The following POC1A variants were observed in gnomAD, a reference collection of about 807,000 sequenced individuals.
POC1A encodes the protein POC1 centriolar protein homolog A.
POC1A carries 34 observed loss-of-function variants against 47.8 expected under a neutral mutation model. The observed-to-expected ratio is 0.71, with a 90% CI of 0.54 to 0.95. The LOEUF is 0.95. POC1A is among the 40% of genes least tolerant of loss of function. POC1A has a pLI of 0.00. For synonymous variants in POC1A, 177 were observed against 207.6 expected, an observed-to-expected ratio of 0.85 and a Z score of 1.27; for missense variants, 466 against 528.3, an observed-to-expected ratio of 0.88 and a Z score of 1.16.
chr3:52,101,090 CA>C lies in POC1A; in HGVS notation c.982-4379del, dbSNP rs146285042. 3.1e-3 allele frequency among the ~76,000 whole-genome samples: 178 copies of C among 56,976 alleles called. 1 individual carries two copies. The highest frequency in any genetic ancestry group is 0.014 in the Middle Eastern group (1 of 74). The allele number at this position is 56,976 out of a possible 152,430, so 37.4% of individuals were successfully genotyped here. A position where few individuals can be genotyped will look rare whatever the true frequency, so the allele number is the denominator to read the frequency against. On this transcript the variant is annotated intron_variant, in intron 9 of 10. Coordinates refer to ENST00000296484, the MANE Select transcript of POC1A (RefSeq NM_015426.5). ...CAACAGGGCCCACCCCAACCCTCAGCAAAAAAAAAAAAAAAAAAAATATCAA... is the reference window on the plus strand; with the variant it reads ...CAACAGGGCCCACCCCAACCCTCAGCAAAAAAAAAAAAAAAAAAATATCAA...
intron 6 of POC1A, among the ~76,000 whole-genome samples, chr3:52,142,033 G>GT (rs1238266430): frequency 3.3e-5 from 5 of 152,312 alleles, no homozygotes; most frequent in African/African-American, 9.6e-5. Context: ...GGAACCGAGC[G>GT]TGAGCCTGTC....
Position 52,084,771 on chromosome 3 carries a change from G to A in POC1A, c.1126-8786C>T, listed in dbSNP as rs1195175611. On this transcript the variant is annotated intron_variant, in intron 10 of 10. Coordinates refer to ENST00000296484, the MANE Select transcript of POC1A (RefSeq NM_015426.5). This position sits in a 1 kb window ranked among gnomAD's most constrained non-coding sequence, Gnocchi z 4.3. ...GCTCTTAGCAGAGCCCTGGGTGGTG[G>A]TACCTGGGGCCCTCCTTGGTGAGTG... Among the ~76,000 whole-genome samples, 1 of 152,244 alleles carries A rather than the reference G, an allele frequency of 6.6e-6. No individual in the cohort carries two copies. Among genetic ancestry groups the A allele is most frequent in the Non-Finnish European group, 1.5e-5 (1 of 68,048 alleles).
At chr3:52,124,485 A>G (rs1703920598) in intron 8 of POC1A, among the ~76,000 whole-genome samples, 1 of 152,212 alleles carries the variant, frequency 6.6e-6, no homozygotes, top group African/African-American at 2.4e-5. Flanking sequence ...TCTGCAGCCA[A>G]AAATACTGAA....
chr3:52,118,998 C>T (rs1421808787), intron 9 of POC1A, among the ~76,000 whole-genome samples: 1 of 144,758 alleles, frequency 6.9e-6, no homozygotes, highest in East Asian at 2.1e-4. Flanking sequence ...TTGCTAAAGG[C>T]AAAAGGTTTT....
intron 1 of POC1A, 151 bp from the exon 2 acceptor site, chr3:52,151,251 G>A (rs1698546733): frequency 8.6e-7 from 1 of 1,167,564 alleles, no homozygotes. Context: ...ATCCACTTAG[G>A]ATTAGTTTTT....
Position 52,146,970 on chromosome 3 carries a change from C to A in POC1A, c.563+18G>T, listed in dbSNP as rs765923846. The A allele has an allele frequency of 6.3e-7, 1 of 1,596,376 alleles. No homozygotes were observed. Among genetic ancestry groups the A allele is most frequent in the Non-Finnish European group, 8.6e-7 (1 of 1,163,788 alleles). ...TGCTTGAGCGCCTACAGGTGGAGGA[C>A]AGCATCTGGGGACTCACCCGCCATG... is the stretch of plus-strand genomic sequence containing the variant. On this transcript the variant is annotated intron_variant, in intron 5 of 10. Transcript: ENST00000296484.
chr3:52,151,170 TC>T, intron 1 of POC1A, 70 bp from the exon 2 acceptor site: 1 of 1,604,588 alleles, frequency 6.2e-7, no homozygotes, highest in South Asian at 1.1e-5. Context: ...CCAGCACTCT[TC>T]CTACAACAGC....
chr3:52,114,731 C>A (rs1018557175), intron 9 of POC1A, among the ~76,000 whole-genome samples: 1 of 152,148 alleles, frequency 6.6e-6, no homozygotes, highest in African/African-American at 2.4e-5. Context: ...CCCCAGGAGC[C>A]AGAGATGGGC....
chr3:52,111,582 G>A (rs934279063), intron 9 of POC1A, among the ~76,000 whole-genome samples: 6 of 148,612 alleles, frequency 4.0e-5, no homozygotes, highest in Admixed American at 3.4e-4. Flanking sequence ...GAAGGAATAG[G>A]TTACAGTAAG....
chr3:52,076,380 A>G lies in POC1A; in HGVS notation c.1126-395T>C, dbSNP rs187316033. Among the ~76,000 whole-genome samples, 140 of 152,258 alleles carry G rather than the reference A, an allele frequency of 9.2e-4. 1 individual carries two copies. The highest frequency in any genetic ancestry group is 1.5e-3 in the Non-Finnish European group (100 of 68,012). ...CTTGTCTGAGCCAGGCACTGTCCAT[A>G]AACAACTGGAGACCATCAACCACCT... is the stretch of plus-strand genomic sequence containing the variant. On this transcript the variant is annotated intron_variant, in intron 10 of 10. Transcript: ENST00000296484.
chr3:52,096,459 T>G, intron 10 of POC1A, 110 bp downstream of exon 10: 15 of 944,978 alleles, frequency 1.6e-5, no homozygotes, highest in Non-Finnish European at 1.9e-5. Context: ...AACAGGTCCG[T>G]TATAATTATG....
chr3:52,146,888 C>G (rs1698381401), intron 5 of POC1A, 100 bp downstream of exon 5: 2 of 946,904 alleles, frequency 2.1e-6, no homozygotes, highest in African/African-American at 3.2e-5. Context: ...GCTGCTGGTC[C>G]CACGGCTCCA....
chr3:52,105,969 C>A (rs191838630), intron 9 of POC1A, among the ~76,000 whole-genome samples: 1 of 151,722 alleles, frequency 6.6e-6, no homozygotes, highest in African/African-American at 2.4e-5. Flanking sequence ...CTGAGGCGGG[C>A]GGATCACGAG....
At chr3:52,126,707 AG>A (rs1240861140) in intron 7 of POC1A, among the ~76,000 whole-genome samples, 2 of 152,230 alleles carry the variant, frequency 1.3e-5, no homozygotes, top group Admixed American at 1.3e-4. Flanking sequence ...GCATCTGGCA[AG>A]GGCCTTCTTG....
chr3:52,147,957 A>G (rs1698423334), intron 4 of POC1A, among the ~76,000 whole-genome samples: 1 of 152,170 alleles, frequency 6.6e-6, no homozygotes, highest in Non-Finnish European at 1.5e-5. Context: ...ATAAATAAAC[A>G]AAAAGAAAAG....
intron 9 of POC1A, among the ~76,000 whole-genome samples, chr3:52,102,990 TG>T (rs147448948): frequency 0.01 from 1,581 of 152,302 alleles, 33 homozygotes; most frequent in African/African-American, 0.035. Flanking sequence ...CAAGACACTG[TG>T]GTATTGGTAA....
chr3:52,082,010 G>T (rs1261394082), intron 10 of POC1A, among the ~76,000 whole-genome samples: 1 of 152,150 alleles, frequency 6.6e-6, no homozygotes, highest in Non-Finnish European at 1.5e-5. Context: ...AGAGGCAGAA[G>T]ACGGGCTCCA....
chr3:52,129,173 A>G (rs6773704), intron 7 of POC1A, among the ~76,000 whole-genome samples: 39,636 of 152,046 alleles, frequency 0.26, 6,407 homozygotes, highest in East Asian at 0.45. Flanking sequence ...CAGCTACTCG[A>G]GAGGCTGAGG....
intron 9 of POC1A, among the ~76,000 whole-genome samples, chr3:52,099,143 T>C (rs909583446): frequency 2.6e-5 from 4 of 152,192 alleles, no homozygotes; most frequent in South Asian, 2.1e-4. Flanking sequence ...CCTGGAATGA[T>C]TGCCCAGCAC....
Sources: allele counts gnomAD v4.1 joint callset (sites outside exome capture counted in the v4.1 genomes callset), GRCh38; gene constraint gnomAD v4.1.1; non-coding constraint Gnocchi (gnomAD v3.1); transcripts MANE v1.5; gene names NCBI Gene and HGNC (gene_info 2026-07-23, HGNC 2026-07-21).